Variants in STAG1 observed in about 807,000 individuals in gnomAD.
STAG1 encodes STAG1 cohesin complex component.
Under a neutral mutation model 170.9 loss-of-function variants are expected in STAG1, and 26 were observed. The ratio of observed to expected loss-of-function variants is 0.15; its 90% CI spans 0.11 to 0.21. The LOEUF (loss-of-function observed/expected upper bound fraction) is 0.21, where lower values mean the gene tolerates loss of function less well. STAG1 is among the 10% of genes least tolerant of loss of function. The pLI, the probability that STAG1 is intolerant of heterozygous loss-of-function variation, is 1.00. For missense variants in STAG1, 964 were observed against 1,509.5 expected (o/e 0.64, Z 5.99); for synonymous variants, 514 against 497.7 (o/e 1.03, Z -0.44).
chr3:136,448,807 C>T (rs1249928781), intron 14 of STAG1, among the ~76,000 whole-genome samples: 10 of 151,984 alleles, frequency 6.6e-5, no homozygotes, highest in Admixed American at 5.9e-4. Context: ...GGCGTGGTGG[C>T]GCATGCCTCT....
intron 12 of STAG1, among the ~76,000 whole-genome samples, 166 bp downstream of exon 12, chr3:136,472,247 T>C (rs1159597677): frequency 1.3e-5 from 2 of 151,940 alleles, no homozygotes; most frequent in Non-Finnish European, 2.9e-5. Flanking sequence ...AAAACAAAAA[T>C]AGAAAAAAAC....
chr3:136,503,209 ACAAT>A lies in STAG1; in HGVS notation c.677-434_677-431del, dbSNP rs1277250215. ...GGTACCTTAGATGTTTTAGATGTTT[ACAAT>A]CAATTTGTGATCTTTACCCCCATAT... On this transcript the variant is annotated intron_variant, in intron 7 of 33. Transcript: ENST00000383202. Among the ~76,000 whole-genome samples the A allele has an allele frequency of 2.6e-5, 4 of 152,198 alleles. No homozygotes were observed. In the East Asian group the frequency reaches 5.8e-4, roughly 22 times the overall value.
chr3:136,525,950 G>A (rs563943257), intron 6 of STAG1, among the ~76,000 whole-genome samples: 1 of 152,150 alleles, frequency 6.6e-6, no homozygotes, highest in Non-Finnish European at 1.5e-5. Context: ...ATTGCACTGT[G>A]GTCTGAGAGA....
intron 22 of STAG1, among the ~76,000 whole-genome samples, chr3:136,385,794 T>C (rs1464272916): frequency 6.6e-6 from 1 of 152,112 alleles, no homozygotes; most frequent in Non-Finnish European, 1.5e-5. Flanking sequence ...CTTGAACTCC[T>C]GGGCTCAAGT....
chr3:136,651,055 T>C (rs1941200924), intron 1 of STAG1, among the ~76,000 whole-genome samples: 1 of 152,112 alleles, frequency 6.6e-6, no homozygotes, highest in African/African-American at 2.4e-5. Flanking sequence ...AAATATCCAA[T>C]GCAGAGATAT....
chr3:136,338,869 G>A (rs977828234), intron 32 of STAG1, among the ~76,000 whole-genome samples: 2 of 152,172 alleles, frequency 1.3e-5, no homozygotes, highest in South Asian at 2.1e-4. Flanking sequence ...ATAGATTGGA[G>A]TAATATGATC....
chr3:136,345,092 A>AAT (rs1241114547), intron 29 of STAG1, among the ~76,000 whole-genome samples: 11 of 151,594 alleles, frequency 7.3e-5, no homozygotes, highest in Non-Finnish European at 1.2e-4. Context: ...ATGGTTTATA[A>AAT]ATATATATAT....
intron 3 of STAG1, among the ~76,000 whole-genome samples, chr3:136,608,738 A>T (rs1325948288): frequency 1.4e-5 from 2 of 138,400 alleles, no homozygotes; most frequent in African/African-American, 2.7e-5. Context: ...GGGGAGGTGG[A>T]GTCTGCAGTG....
chr3:136,386,440 T>C (rs1006332366), intron 22 of STAG1, among the ~76,000 whole-genome samples: 3 of 152,138 alleles, frequency 2.0e-5, no homozygotes, highest in Non-Finnish European at 2.9e-5. Flanking sequence ...GAATTTATCA[T>C]ATAAGCTATA....
At chr3:136,523,416 G>C (rs1280123196) in intron 6 of STAG1, among the ~76,000 whole-genome samples, 1 of 151,940 alleles carries the variant, frequency 6.6e-6, no homozygotes, top group Non-Finnish European at 1.5e-5. Flanking sequence ...TGATGGGGTT[G>C]TTTTCTTTCT....
Position 136,383,815 on chromosome 3 carries a change from C to T in STAG1, c.2278-6063G>A, listed in dbSNP as rs576849168. Among the ~76,000 whole-genome samples, 6 of 151,812 alleles carry T rather than the reference C, an allele frequency of 4.0e-5. No homozygotes were observed. In the South Asian group the frequency reaches 6.3e-4, roughly 16 times the overall value. ...CTAAAAATACAAAAAATTAGCTGAG[C>T]GTGGTGGCAGGCGCCTGTAGTCCTA... On this transcript the variant is annotated intron_variant, in intron 22 of 33. Coordinates refer to ENST00000383202, the MANE Select transcript of STAG1 (RefSeq NM_005862.3).
intron 16 of STAG1, among the ~76,000 whole-genome samples, chr3:136,430,351 A>G (rs1424254932): frequency 6.6e-6 from 1 of 152,190 alleles, no homozygotes; most frequent in African/African-American, 2.4e-5. Flanking sequence ...TGTAGGGATT[A>G]TAATATACAT....
At chr3:136,710,952 A>G (rs1307942728) in intron 1 of STAG1, among the ~76,000 whole-genome samples, 3 of 152,100 alleles carry the variant, frequency 2.0e-5, no homozygotes, top group Non-Finnish European at 4.4e-5. Context: ...GAGATGCTTT[A>G]GACAATGACT....
chr3:136,654,314 T>C (rs1234043936), intron 1 of STAG1, among the ~76,000 whole-genome samples: 4 of 151,796 alleles, frequency 2.6e-5, no homozygotes, highest in Non-Finnish European at 5.9e-5. Flanking sequence ...TCAACACACA[T>C]AAAAAAAATC....
intron 5 of STAG1, among the ~76,000 whole-genome samples, chr3:136,562,791 C>T (rs1405865941): frequency 6.6e-6 from 1 of 151,016 alleles, no homozygotes; most frequent in Non-Finnish European, 1.5e-5. Flanking sequence ...TTTCACTACA[C>T]TGGCCAGGCT....
At chr3:136,687,693 T>C (rs796283858) in intron 1 of STAG1, among the ~76,000 whole-genome samples, 11 of 152,170 alleles carry the variant, frequency 7.2e-5, no homozygotes, top group Non-Finnish European at 1.0e-4. Context: ...ACGTGGATTA[T>C]ACATTGTCTT....
intron 21 of STAG1, among the ~76,000 whole-genome samples, chr3:136,408,373 G>A (rs1360016828): frequency 8.5e-5 from 13 of 152,170 alleles, no homozygotes. Flanking sequence ...ATAGTTAAGA[G>A]TTACTGTAAC....
chr3:136,564,318 T>C (rs1227988268), intron 5 of STAG1, among the ~76,000 whole-genome samples: 1 of 152,200 alleles, frequency 6.6e-6, no homozygotes, highest in Non-Finnish European at 1.5e-5. Flanking sequence ...CTGGATACCT[T>C]TACAAAAGAG....
chr3:136,418,360 C>CAAA lies in STAG1; in HGVS notation c.2109-391_2109-389dup, dbSNP rs767401141. Among the ~76,000 whole-genome samples the CAAA allele has an allele frequency of 2.1e-3, 104 of 49,756 alleles. 7 individuals are homozygous for CAAA. The highest frequency in any genetic ancestry group is 3.2e-3 in the African/African-American group (30 of 9,264). The allele number at this position is 49,756 out of a possible 152,430, so 32.6% of individuals were successfully genotyped here. A position where few individuals can be genotyped will look rare whatever the true frequency, so the allele number is the denominator to read the frequency against. On this transcript the variant is annotated intron_variant, in intron 20 of 33. Transcript: ENST00000383202. ...GGGTAACTGAGCAAGACTCTGTCTCCAAAAAAAAAAAAAAAAAAAAAAAAA... is the reference window on the plus strand; with the variant it reads ...GGGTAACTGAGCAAGACTCTGTCTCCAAAAAAAAAAAAAAAAAAAAAAAAAAAA...
Sources: allele counts gnomAD v4.1 joint callset (sites outside exome capture counted in the v4.1 genomes callset), GRCh38; gene constraint gnomAD v4.1.1; transcripts MANE v1.5; gene names NCBI Gene and HGNC (gene_info 2026-07-23, HGNC 2026-07-21).